PTCH1: variants seen among roughly 807,000 people sequenced by gnomAD.
The protein encoded by PTCH1 is patched 1.
A neutral mutation model predicts 144.6 loss-of-function variants in PTCH1; 14 were observed. That is an observed-to-expected ratio of 0.10 (90% CI 0.06 to 0.15). The LOEUF is 0.15. Ranked by LOEUF, PTCH1 falls within the 10% of genes least tolerant of loss-of-function variation. The probability of loss-of-function intolerance (pLI) is 1.00; values close to 1 mark genes in which losing one functional copy is unlikely to be tolerated. For synonymous variants in PTCH1, 833 were observed against 793.6 expected, an observed-to-expected ratio of 1.05 and a Z score of -0.83; for missense variants, 1,623 against 1,948.3, an observed-to-expected ratio of 0.83 and a Z score of 3.14.
intron 14 of PTCH1, among the ~76,000 whole-genome samples, chr9:95,467,985 T>C (rs1840175937): frequency 6.6e-6 from 1 of 152,144 alleles, no homozygotes; most frequent in Non-Finnish European, 1.5e-5. Context: ...GGGCTCACTG[T>C]TGCCTCCAAC....
chr9:95,500,287 G>C (rs1843064066), intron 2 of PTCH1, among the ~76,000 whole-genome samples: 2 of 152,132 alleles, frequency 1.3e-5, no homozygotes, highest in African/African-American at 4.8e-5. Context: ...AGGATTCGCA[G>C]GGTCAACTGC....
chr9:95,448,988 C>G (rs1026455256), intron 22 of PTCH1, 81 bp downstream of exon 22: 1 of 1,585,856 alleles, frequency 6.3e-7, no homozygotes, highest in East Asian at 2.2e-5. Context: ...TGCTGCTCAG[C>G]AGACAGGAGC....
intron 20 of PTCH1, chr9:95,451,237 GGCATGTATCAGCAGCCACATTAA>G (rs1408593967): frequency 1.3e-5 from 2 of 152,150 alleles, no homozygotes; most frequent in African/African-American, 4.8e-5. Flanking sequence ...TTTCGGCTGG[GGCATGTATCAGCAGCCACATTAA>G]GACATTTGCA....
upstream of PTCH1, among the ~76,000 whole-genome samples, chr9:95,509,824 A>AT (rs908034681): frequency 7.9e-5 from 12 of 151,744 alleles, no homozygotes; most frequent in South Asian, 2.1e-4. Flanking sequence ...TGTGTGCCAG[A>AT]TTTTTTTTTC....
chr9:95,493,167 G>A (rs2118684348), intron 2 of PTCH1, among the ~76,000 whole-genome samples: 1 of 152,294 alleles, frequency 6.6e-6, no homozygotes, highest in Middle Eastern at 3.4e-3. Flanking sequence ...AGGCCAATAT[G>A]ATTCCAATCC....
chr9:95,501,111 G>A (rs1052679808), intron 2 of PTCH1, among the ~76,000 whole-genome samples: 1 of 152,126 alleles, frequency 6.6e-6, no homozygotes, highest in Non-Finnish European at 1.5e-5. Context: ...CATAATAAAC[G>A]TCTTCCATCT....
rs1162764170 is a variant in PTCH1 at position 95,496,042 on chromosome 9, G to A, written c.395-10168C>T. Among the ~76,000 whole-genome samples, 9 of 152,112 alleles carry A rather than the reference G, an allele frequency of 5.9e-5. No homozygotes were observed. The East Asian group carries it at 7.7e-4, about 13-fold the overall frequency. ...TTTCTGTCTTTCTCTTCTGTTTGGC[G>A]TATTCACCAACAAGAGAAAAGGAGG... On this transcript the variant is annotated intron_variant, in intron 2 of 23. Transcript: ENST00000331920.
In PTCH1 at chr9:95,469,101, G is replaced by A. The variant is rs764218645; in HGVS notation, c.1900C>T (p.His634Tyr). ...QVEPQAYTDTHDNTRYSPPPP... is the reference protein window; with the variant it reads ...QVEPQAYTDTYDNTRYSPPPP... ...GGGGGGCTGTAGCGGGTATTGTCGTGTGTGTCGGTGTAGGCCTGAGGTTCA... is the reference window on the plus strand; with the variant it reads ...GGGGGGCTGTAGCGGGTATTGTCGTATGTGTCGGTGTAGGCCTGAGGTTCA... The change falls in exon 14 of 24, where the codon CAC (histidine) becomes TAC (tyrosine). Residue 634 changes from histidine (H) to tyrosine (Y), a missense_variant. Transcript: ENST00000331920. 6.2e-7 allele frequency: 1 copy of A among 1,614,114 alleles called. No individual in the cohort carries two copies. Among genetic ancestry groups the A allele is most frequent in the Non-Finnish European group, 8.5e-7 (1 of 1,180,040 alleles).
chr9:95,493,069 C>A (rs542698572), intron 2 of PTCH1, among the ~76,000 whole-genome samples: 19 of 152,318 alleles, frequency 1.2e-4, no homozygotes, highest in Non-Finnish European at 2.6e-4. Context: ...CCTCTCATCC[C>A]CAAATCAAGC....
rs1012997626 is a variant in PTCH1 at position 95,458,367 on chromosome 9, G to C, written c.2888-74C>G. 3 of 1,540,236 alleles carry C rather than the reference G, an allele frequency of 1.9e-6. No individual in the cohort carries two copies. The African/African-American group carries it at 4.1e-5, about 21-fold the overall frequency. On this transcript the variant is annotated intron_variant, in intron 17 of 23. Coordinates refer to ENST00000331920, the MANE Select transcript of PTCH1 (RefSeq NM_000264.5). This position sits in a 1 kb window ranked among gnomAD's most constrained non-coding sequence, Gnocchi z 4.7. The stretch of plus-strand genomic sequence containing the variant: ...TCACAGTTTCAATGGAAAGAGAGAA[G>C]AACTTTGCATGAAAGCTTACTGACT...
In PTCH1 at chr9:95,468,888, T is replaced by C. The variant is rs2118036638; in HGVS notation, c.2113A>G (p.Thr705Ala). Residue 705 changes from threonine (T) to alanine (A), a missense_variant, in exon 14 of 24, where the codon ACC (threonine) becomes GCC (alanine). This residue lies in a region of PTCH1 where 179 missense variants were observed against 165.7 expected (regional missense o/e 1.08). Coordinates refer to ENST00000331920, the MANE Select transcript of PTCH1 (RefSeq NM_000264.5). Reference sequence around the variant, plus strand: ...GAGAGCAGGTCCCTTGTGGAGCTGGTGCTCTCTGGGCTCTGGCAGCTGAGG... The same window carrying C: ...GAGAGCAGGTCCCTTGTGGAGCTGGCGCTCTCTGGGCTCTGGCAGCTGAGG... ...DTLSCQSPES[T>A]SSTRDLLSQF... 6.2e-7 allele frequency: 1 copy of C among 1,614,132 alleles called. No individual in the cohort carries two copies. The highest frequency in any genetic ancestry group is 8.5e-7 in the Non-Finnish European group (1 of 1,180,020).
chr9:95,502,310 T>G (rs1843202359), intron 2 of PTCH1, among the ~76,000 whole-genome samples: 1 of 152,248 alleles, frequency 6.6e-6, no homozygotes. Context: ...GTGTACCTGC[T>G]GAATGTTTGG....
At chr9:95,513,213 C>T (rs1015780626), upstream of PTCH1, among the ~76,000 whole-genome samples, 2 of 152,222 alleles carry the variant, frequency 1.3e-5, no homozygotes, top group African/African-American at 4.8e-5. Context: ...TGAAAAACCA[C>T]AGTGAGATTT....
At chr9:95,502,398 A>C (rs1843208279) in intron 2 of PTCH1, among the ~76,000 whole-genome samples, 1 of 152,212 alleles carries the variant, frequency 6.6e-6, no homozygotes, top group Non-Finnish European at 1.5e-5. Flanking sequence ...GGTGGTGCAG[A>C]GTAGGTACTG....
In PTCH1 at chr9:95,458,360, G is replaced by A; in HGVS notation, c.2888-67C>T. 6.4e-7 allele frequency: 1 copy of A among 1,561,268 alleles called. No homozygotes were observed. Among genetic ancestry groups the A allele is most frequent in the Non-Finnish European group, 8.7e-7 (1 of 1,147,712 alleles). ...AAGAGCATCACAGTTTCAATGGAAA[G>A]AGAGAAGAACTTTGCATGAAAGCTT... On this transcript the variant is annotated intron_variant, in intron 17 of 23. Transcript: ENST00000331920. This position sits in a 1 kb window ranked among gnomAD's most constrained non-coding sequence, Gnocchi z 4.7.
At position 95,476,803 on chromosome 9, in the gene PTCH1, G is replaced by T; in HGVS notation, c.1558C>A (p.His520Asn). The T allele has an allele frequency of 6.2e-7, 1 of 1,614,052 alleles. No homozygotes were observed. Among genetic ancestry groups the T allele is most frequent in the South Asian group, 1.1e-5 (1 of 91,046 alleles). Residue 520 changes from histidine to asparagine, a missense_variant, in exon 11 of 24, where the codon CAC (histidine) becomes AAC (asparagine). This residue lies in a region of PTCH1 where 135 missense variants were observed against 228.7 expected (regional missense o/e 0.59). Coordinates refer to ENST00000331920, the MANE Select transcript of PTCH1 (RefSeq NM_000264.5). The surrounding 1 kb of genome is among the most constrained non-coding windows in gnomAD (Gnocchi z 4.6). ...VGVDDVFLLA[H>N]AFSETGQNKR... Reference sequence around the variant, plus strand: ...TTCTGTCCTGTTTCACTGAAGGCGTGGGCCAGAAGAAAAACATCATCCACA... The same window carrying T: ...TTCTGTCCTGTTTCACTGAAGGCGTTGGCCAGAAGAAAAACATCATCCACA...
At chr9:95,514,287 G>C (rs1844272615) in intron 1 of PTCH1, 1 of 152,184 alleles carries the variant, frequency 6.6e-6, no homozygotes, top group Non-Finnish European at 1.5e-5. Context: ...ACAACACCCA[G>C]ACTTTGAACA....
chr9:95,482,371 T>G (rs1841613821), intron 3 of PTCH1, 168 bp from the exon 4 acceptor site: 1 of 652,038 alleles, frequency 1.5e-6, no homozygotes, highest in Non-Finnish European at 2.7e-6. Flanking sequence ...CTTGCTTTAA[T>G]GAATAGATAA....
chr9:95,459,427 G>GT (rs1330358471), intron 17 of PTCH1, among the ~76,000 whole-genome samples, 173 bp downstream of exon 17: 2 of 152,196 alleles, frequency 1.3e-5, no homozygotes, highest in African/African-American at 4.8e-5. Context: ...TGCGGGGGTT[G>GT]TATCCCATTA....
Sources: gnomAD v4.1 joint callset for allele counts (sites outside exome capture counted in the v4.1 genomes callset) on GRCh38, gnomAD v4.1.1 for gene constraint, gnomAD v4.1.1 regional missense constraint, Gnocchi (gnomAD v3.1) non-coding constraint, MANE v1.5 for transcripts, NCBI Gene and HGNC (gene_info 2026-07-23, HGNC 2026-07-21) for gene names.